The following ACTN1 variants were observed in gnomAD, a reference collection of about 807,000 sequenced individuals.
The protein encoded by ACTN1 is actinin alpha 1.
A neutral mutation model predicts 119.6 loss-of-function variants in ACTN1; 30 were observed. That is an observed-to-expected ratio of 0.25 (90% CI 0.19 to 0.34). The LOEUF is 0.34. ACTN1 is among the 10% of genes least tolerant of loss of function. ACTN1 has a pLI of 1.00. For missense variants in ACTN1, 764 were observed against 1,223.4 expected (o/e 0.62, Z 5.60); for synonymous variants, 429 against 472.6 (o/e 0.91, Z 1.20).
chr14:68,950,857 G>A (rs909102318), intron 1 of ACTN1, among the ~76,000 whole-genome samples: 8 of 152,002 alleles, frequency 5.3e-5, no homozygotes, highest in African/African-American at 1.9e-4. Flanking sequence ...CACCACGTCC[G>A]GCCCTAAGCA....
intron 1 of ACTN1, among the ~76,000 whole-genome samples, chr14:68,961,505 G>A (rs962616061): frequency 2.0e-5 from 3 of 152,154 alleles, no homozygotes; most frequent in Non-Finnish European, 4.4e-5. Flanking sequence ...GAAACGCAGT[G>A]TTCCCCTGGG....
Position 68,955,976 on chromosome 14 carries a change from G to C in ACTN1, c.105+22976C>G, listed in dbSNP as rs144205661. 2.9e-4 allele frequency among the ~76,000 whole-genome samples: 44 copies of C among 152,326 alleles called. No individual in the cohort carries two copies. The East Asian group carries it at 4.0e-3, about 14-fold the overall frequency. On this transcript the variant is annotated intron_variant, in intron 1 of 21. Transcript: ENST00000394419. ...CCACAAGGAGACAAAGCTTCATTAA[G>C]AAGGTCCTGGAGGAAGAGTAAATAA...
Position 68,979,271 on chromosome 14 carries a change from G to T in ACTN1, c.-215C>A. ...GGGCTCGCGGACTGCCTGCCTCTGG[G>T]CGGGCGCTTGGACCTAATCTCCACG... On this transcript the variant is annotated 5_prime_UTR_variant, in exon 1 of 22. Transcript: ENST00000394419. 2.5e-6 allele frequency: 1 copy of T among 407,068 alleles called. No homozygotes were observed. Among genetic ancestry groups the T allele is most frequent in the Non-Finnish European group, 4.3e-6 (1 of 231,480 alleles). 25.2% of individuals were successfully genotyped at this position (407,068 alleles called of 1,614,324 possible).
chr14:68,885,684 A>C lies in ACTN1; in HGVS notation c.1235-109T>G, dbSNP rs2140113466. ...AGCTCCACTTCTGGGGGTGCTTCTC[A>C]AGGAGGTGCCCATTGTGCAGGGATC... On this transcript the variant is annotated intron_variant, in intron 11 of 21. Coordinates refer to ENST00000394419, the MANE Select transcript of ACTN1 (RefSeq NM_001130004.2). This position sits in a 1 kb window ranked among gnomAD's most constrained non-coding sequence, Gnocchi z 5.6. The C allele has an allele frequency of 1.5e-6, 2 of 1,301,024 alleles. No homozygotes were observed. The highest frequency in any genetic ancestry group is 2.5e-5 in the East Asian group (1 of 40,702). The allele number at this position is 1,301,024 out of a possible 1,614,324, so 80.6% of individuals were successfully genotyped here. A position where few individuals can be genotyped will look rare whatever the true frequency, so the allele number is the denominator to read the frequency against.
intron 14 of ACTN1, 50 bp downstream of exon 14, chr14:68,884,118 G>GCCAGGGGCC: frequency 6.4e-7 from 1 of 1,571,524 alleles, no homozygotes; most frequent in Non-Finnish European, 8.7e-7. Context: ...CAGAGCATGG[G>GCCAGGGGCC]CCAGGGGCCC....
chr14:68,958,667 C>T (rs1220014772), intron 1 of ACTN1, among the ~76,000 whole-genome samples: 1 of 152,154 alleles, frequency 6.6e-6, no homozygotes, highest in African/African-American at 2.4e-5. Flanking sequence ...AAAACATCCA[C>T]ATGAAAGGAA....
At chr14:68,977,803 C>CCCA in intron 1 of ACTN1, 1 of 366,764 alleles carries the variant, frequency 2.7e-6, no homozygotes, top group South Asian at 2.0e-5. Flanking sequence ...CATCCTGTCC[C>CCCA]CCCCCCACCC....
rs558521049 is a variant in ACTN1 at position 68,878,330 on chromosome 14, C to T, written c.2427+128G>A. ...AGCCATCTTCCCCAAGGACATGGGC[C>T]CTGGGGCTCCTCCAGGGAGGGCAGC... On this transcript the variant is annotated intron_variant, in intron 20 of 21. Transcript: ENST00000394419. This position sits in a 1 kb window ranked among gnomAD's most constrained non-coding sequence, Gnocchi z 4.4. 38 of 1,364,842 alleles carry T rather than the reference C, an allele frequency of 2.8e-5. No individual in the cohort carries two copies. The South Asian group carries it at 5.8e-4, about 21-fold the overall frequency. 84.5% of individuals were successfully genotyped at this position (1,364,842 alleles called of 1,614,324 possible). A position where few individuals can be genotyped will look rare whatever the true frequency, so the allele number is the denominator to read the frequency against.
rs1202630059 is a variant in ACTN1, at chr14:68,969,826, T to C, written c.105+9126A>G. 6.6e-5 allele frequency among the ~76,000 whole-genome samples: 10 copies of C among 152,122 alleles called. No homozygotes were observed. The East Asian group carries it at 1.9e-3, about 29-fold the overall frequency. On this transcript the variant is annotated intron_variant, in intron 1 of 21. Coordinates refer to ENST00000394419, the MANE Select transcript of ACTN1 (RefSeq NM_001130004.2). ...CCACATCAGACATAAGGAGAAAAGA[T>C]AGAGTCTGATTTTAAGAACCCCTCC...
At chr14:68,892,428 C>A in intron 9 of ACTN1, 145 bp from the exon 10 acceptor site, 1 of 842,704 alleles carries the variant, frequency 1.2e-6, no homozygotes, top group Non-Finnish European at 1.8e-6. Context: ...ACTGACATTC[C>A]CAGGCCATGA....
chr14:68,916,484 G>T (rs185723016), intron 3 of ACTN1, among the ~76,000 whole-genome samples: 1 of 152,198 alleles, frequency 6.6e-6, no homozygotes, highest in Non-Finnish European at 1.5e-5. Context: ...AAACAGAGGC[G>T]CCAAGCACGA....
At position 68,874,826 on chromosome 14, in the gene ACTN1, G is replaced by A. The variant is rs758246893; in HGVS notation, c.*33C>T. 3 of 1,533,710 alleles carry A rather than the reference G, an allele frequency of 2.0e-6. No homozygotes were observed. Among genetic ancestry groups the A allele is most frequent in the Admixed American group, 1.9e-5 (1 of 53,392 alleles). The stretch of plus-strand genomic sequence containing the variant: ...CGGCGGAGGTGCAAGGCAGGGCACG[G>A]CGCACAAGACGAGGGCGGCCGGGCG... On this transcript the variant is annotated 3_prime_UTR_variant, in exon 22 of 22. Coordinates refer to ENST00000394419, the MANE Select transcript of ACTN1 (RefSeq NM_001130004.2).
Position 68,885,853 on chromosome 14 carries a change from T to C in ACTN1, c.1235-278A>G. The C allele has an allele frequency of 7.1e-6, 3 of 421,834 alleles. No homozygotes were observed. The highest frequency in any genetic ancestry group is 6.4e-5 in the South Asian group (2 of 31,336). 26.1% of individuals were successfully genotyped at this position (421,834 alleles called of 1,614,324 possible). On this transcript the variant is annotated intron_variant, in intron 11 of 21. Coordinates refer to ENST00000394419, the MANE Select transcript of ACTN1 (RefSeq NM_001130004.2). The surrounding 1 kb of genome is among the most constrained non-coding windows in gnomAD (Gnocchi z 5.6). ...GGAGTCTGTGGGAATGCATAGGGCA[T>C]GACGCTATACACACAGCGGGAAACA...
At position 68,910,714 on chromosome 14, in the gene ACTN1, A is replaced by G. The variant is rs145864062; in HGVS notation, c.428-672T>C. ...AATCTCATCTTGAATTGTAGCTCCC[A>G]TAATTCCCACGTGTTGTGGGAGAGA... On this transcript the variant is annotated intron_variant, in intron 4 of 21. Transcript: ENST00000394419. Among the ~76,000 whole-genome samples, 323 of 152,244 alleles carry G rather than the reference A, an allele frequency of 2.1e-3. 1 individual carries two copies. Among genetic ancestry groups the G allele is most frequent in the Middle Eastern group, 0.014 (4 of 294 alleles).
At chr14:68,877,481 T>C (rs2031037815) in intron 20 of ACTN1, 3 of 520,744 alleles carry the variant, frequency 5.8e-6, no homozygotes, top group Non-Finnish European at 1.0e-5. Flanking sequence ...AATAATCATG[T>C]TGATAATAAC....
At chr14:68,905,123 T>G (rs897500916) in intron 6 of ACTN1, among the ~76,000 whole-genome samples, 2 of 152,218 alleles carry the variant, frequency 1.3e-5, no homozygotes, top group African/African-American at 4.8e-5. Context: ...TAACCTGACC[T>G]CAGCTTCTCC....
intron 2 of ACTN1, among the ~76,000 whole-genome samples, chr14:68,924,631 T>A (rs2034826807): frequency 6.6e-6 from 1 of 152,200 alleles, no homozygotes; most frequent in East Asian, 1.9e-4. Flanking sequence ...ACAAGCCCTC[T>A]GGCTACAGTG....
At chr14:68,927,822 T>A (rs992134549) in intron 1 of ACTN1, among the ~76,000 whole-genome samples, 6 of 152,226 alleles carry the variant, frequency 3.9e-5, no homozygotes, top group Admixed American at 6.5e-5. Context: ...ACAAATATAA[T>A]TTACTTTGGT....
intron 1 of ACTN1, among the ~76,000 whole-genome samples, chr14:68,932,436 C>G (rs973487962): frequency 6.6e-6 from 1 of 150,924 alleles, no homozygotes; most frequent in African/African-American, 2.4e-5. Flanking sequence ...GTCAGTGCTC[C>G]TTAACAAACT....
Sources: allele counts gnomAD v4.1 joint callset (sites outside exome capture counted in the v4.1 genomes callset), GRCh38; gene constraint gnomAD v4.1.1; non-coding constraint Gnocchi (gnomAD v3.1); transcripts MANE v1.5; gene names NCBI Gene and HGNC (gene_info 2026-07-23, HGNC 2026-07-21).